PCDHAC2: variants seen among roughly 807,000 people sequenced by gnomAD.
PCDHAC2 encodes the protein protocadherin alpha-C2.
In PCDHAC2, 24 loss-of-function variants were observed where a neutral mutation model predicts 63.3. The observed-to-expected ratio is 0.38, with a 90% CI of 0.27 to 0.53. The LOEUF (loss-of-function observed/expected upper bound fraction) is 0.53. Ranked by LOEUF, PCDHAC2 falls within the 20% of genes least tolerant of loss-of-function variation. PCDHAC2 has a pLI of 0.81. For synonymous variants in PCDHAC2, 569 were observed against 529.4 expected, an observed-to-expected ratio of 1.07 and a Z score of -1.03; for missense variants, 1,181 against 1,275.2, an observed-to-expected ratio of 0.93 and a Z score of 1.12.
At chr5:140,977,227 A>G (rs149467858) in intron 1 of PCDHAC2, among the ~76,000 whole-genome samples, 4 of 152,288 alleles carry the variant, frequency 2.6e-5, no homozygotes, top group African/African-American at 7.2e-5. Context: ...ATGTTACCCA[A>G]TCATAGAAAA....
Position 140,993,501 on chromosome 5 carries a change from C to CAT in PCDHAC2, c.2713+10939_2713+10940insTA, listed in dbSNP as rs1159844142. Among the ~76,000 whole-genome samples the CAT allele has an allele frequency of 9.9e-4, 148 of 149,100 alleles. 5 individuals carry two copies. In the East Asian group the frequency reaches 0.024, roughly 24 times the overall value. On this transcript the variant is annotated intron_variant, in intron 3 of 3. Transcript: ENST00000289269. ...ACACACACACACACACACACACACA[C>CAT]ACACACACGGGGAGAGAGAGACAGA...
intron 3 of PCDHAC2, among the ~76,000 whole-genome samples, chr5:140,983,328 T>G (rs1214241110): frequency 6.6e-6 from 1 of 152,218 alleles, no homozygotes; most frequent in East Asian, 1.9e-4. Flanking sequence ...ATTCTTGCCC[T>G]ATCACTAAAG....
intron 3 of PCDHAC2, among the ~76,000 whole-genome samples, chr5:140,988,245 G>C (rs17286877): frequency 0.027 from 4,184 of 152,286 alleles, 88 homozygotes; most frequent in Non-Finnish European, 0.043. Flanking sequence ...GAGTGGGGCA[G>C]CTCCCGCCTG....
intron 3 of PCDHAC2, among the ~76,000 whole-genome samples, chr5:141,000,351 G>GTC: frequency 1.5e-5 from 1 of 66,852 alleles, no homozygotes; most frequent in Non-Finnish European, 2.9e-5. Flanking sequence ...CTCTCTCTCT[G>GTC]TCTCTCTCTG....
At chr5:140,984,174 G>A (rs557769828) in intron 3 of PCDHAC2, among the ~76,000 whole-genome samples, 25 of 152,318 alleles carry the variant, frequency 1.6e-4, no homozygotes, top group African/African-American at 5.8e-4. Flanking sequence ...AAGAAGCCAC[G>A]TGAAATCATG....
At chr5:140,985,938 A>G (rs960910585) in intron 3 of PCDHAC2, among the ~76,000 whole-genome samples, 8 of 151,748 alleles carry the variant, frequency 5.3e-5, no homozygotes, top group Non-Finnish European at 8.8e-5. Context: ...CCGGGGTTTC[A>G]CTGTGTTAGC....
intron 3 of PCDHAC2, among the ~76,000 whole-genome samples, chr5:141,004,792 C>G (rs2098181519): frequency 6.6e-6 from 1 of 152,170 alleles, no homozygotes; most frequent in African/African-American, 2.4e-5. Flanking sequence ...CAGGCAGATT[C>G]TGGCTGAGCT....
chr5:140,999,403 A>G (rs1325467300), intron 3 of PCDHAC2, among the ~76,000 whole-genome samples: 7 of 152,176 alleles, frequency 4.6e-5, no homozygotes, highest in African/African-American at 1.7e-4. Context: ...TTTGCATATG[A>G]AAGAATGGGA....
chr5:141,008,633 A>G (rs1212403774), intron 3 of PCDHAC2, among the ~76,000 whole-genome samples: 1 of 152,212 alleles, frequency 6.6e-6, no homozygotes, highest in African/African-American at 2.4e-5. Context: ...AGTATAATTA[A>G]CAATTTCTTC....
intron 2 of PCDHAC2, among the ~76,000 whole-genome samples, chr5:140,979,370 G>A (rs1247964519): frequency 6.6e-6 from 1 of 150,650 alleles, no homozygotes; most frequent in Non-Finnish European, 1.5e-5. Context: ...TGAGACTTGG[G>A]TACATTGTGC....
chr5:140,997,357 A>G (rs1309712075), intron 3 of PCDHAC2, among the ~76,000 whole-genome samples: 1 of 152,218 alleles, frequency 6.6e-6, no homozygotes, highest in Non-Finnish European at 1.5e-5. Flanking sequence ...ATGTACTTAC[A>G]TAAACCTAGA....
chr5:140,980,949 A>G (rs1187381167), intron 2 of PCDHAC2, among the ~76,000 whole-genome samples: 1 of 152,182 alleles, frequency 6.6e-6, no homozygotes, highest in East Asian at 1.9e-4. Context: ...TGGCTCCAGG[A>G]TAGTTACACC....
chr5:140,981,612 T>C (rs2096940396), intron 2 of PCDHAC2, among the ~76,000 whole-genome samples: 1 of 152,110 alleles, frequency 6.6e-6, no homozygotes, highest in Non-Finnish European at 1.5e-5. Context: ...CCTCTAATTT[T>C]GATGAGGGTT....
intron 3 of PCDHAC2, among the ~76,000 whole-genome samples, chr5:140,988,622 A>G (rs192744779): frequency 6.6e-6 from 1 of 152,242 alleles, no homozygotes; most frequent in East Asian, 1.9e-4. Flanking sequence ...TAGAATGGAG[A>G]TGTCCTGGTT....
chr5:140,996,237 G>T (rs1169717703), intron 3 of PCDHAC2, among the ~76,000 whole-genome samples: 1 of 152,186 alleles, frequency 6.6e-6, no homozygotes, highest in Non-Finnish European at 1.5e-5. Context: ...GTTGCTCAAG[G>T]CTGAGAAGTG....
intron 3 of PCDHAC2, among the ~76,000 whole-genome samples, chr5:140,991,900 A>G (rs137964856): frequency 9.8e-4 from 149 of 152,250 alleles, no homozygotes; most frequent in African/African-American, 3.0e-3. Context: ...TTAACACAAA[A>G]TCCCTTTTGC....
At position 141,011,045 on chromosome 5, in the gene PCDHAC2, G is replaced by A. The variant is rs949707438; in HGVS notation, c.*1108G>A. 2 of 153,712 alleles carry A rather than the reference G, an allele frequency of 1.3e-5. No individual in the cohort carries two copies. Among genetic ancestry groups the A allele is most frequent in the African/African-American group, 4.8e-5 (2 of 41,422 alleles). The allele number at this position is 153,712 out of a possible 1,614,324, so 9.5% of individuals were successfully genotyped here. ...CAGCTTTACTCTTTCAGGTCACTCT[G>A]GGGCTGCCTCTTGCATGTATTACTA... On this transcript the variant is annotated 3_prime_UTR_variant, in exon 4 of 4. Coordinates refer to ENST00000289269, the MANE Select transcript of PCDHAC2 (RefSeq NM_018899.6).
rs781932025 is a variant in PCDHAC2, at chr5:140,967,921, C to T, written c.1155C>T (p.Ala385=). The T allele has an allele frequency of 6.2e-6, 10 of 1,614,172 alleles. No individual in the cohort carries two copies. Among genetic ancestry groups the T allele is most frequent in the South Asian group, 4.4e-5 (4 of 91,084 alleles). Residue 385 remains alanine, a synonymous_variant, in exon 1 of 4, where the codon GCC becomes GCT. Coordinates refer to ENST00000289269, the MANE Select transcript of PCDHAC2 (RefSeq NM_018899.6). The part of the protein sequence containing the change: ...PENATPNTIV[A]VLSVNDQDSG... ...ATGCTACACCCAACACCATTGTGGCCGTTCTCAGTGTCAATGACCAAGACT... is the reference window on the plus strand; with the variant it reads ...ATGCTACACCCAACACCATTGTGGCTGTTCTCAGTGTCAATGACCAAGACT...
intron 2 of PCDHAC2, among the ~76,000 whole-genome samples, chr5:140,981,175 T>C (rs1350828084): frequency 6.6e-6 from 1 of 152,238 alleles, no homozygotes; most frequent in African/African-American, 2.4e-5. Context: ...TTCCCTCTAA[T>C]AGTTCAAGTT....
Sources: allele counts gnomAD v4.1 joint callset (sites outside exome capture counted in the v4.1 genomes callset), GRCh38; gene constraint gnomAD v4.1.1; transcripts MANE v1.5; gene names NCBI Gene and HGNC (gene_info 2026-07-23, HGNC 2026-07-21).